The following DOCK8 variants were observed in gnomAD, a reference collection of about 807,000 sequenced individuals.
The protein encoded by DOCK8 is dedicator of cytokinesis protein 8.
DOCK8 carries 141 observed loss-of-function variants against 245.6 expected under a neutral mutation model. The observed-to-expected ratio is 0.57, with a 90% CI of 0.50 to 0.66. DOCK8 has a LOEUF of 0.66. Ranked by LOEUF, DOCK8 falls within the 30% of genes least tolerant of loss-of-function variation. The pLI is 0.00. For synonymous variants in DOCK8, 1,168 were observed against 970.2 expected (o/e 1.20, Z -3.79); for missense variants, 2,965 against 2,603.4 (o/e 1.14, Z -3.02).
At chr9:412,533 C>T (rs1378298933) in intron 28 of DOCK8, among the ~76,000 whole-genome samples, 2 of 151,880 alleles carry the variant, frequency 1.3e-5, no homozygotes, top group African/African-American at 4.8e-5. Context: ...CCACAAAAAA[C>T]TCCATTACAA....
At chr9:215,486 C>G in intron 1 of DOCK8, 1 of 1,466,890 alleles carries the variant, frequency 6.8e-7, no homozygotes, top group Non-Finnish European at 9.0e-7. Flanking sequence ...AGGCTGCAAG[C>G]CTTCTGTCGT....
At chr9:303,617 C>T (rs545482158) in intron 4 of DOCK8, among the ~76,000 whole-genome samples, 19 of 152,172 alleles carry the variant, frequency 1.2e-4, no homozygotes, top group Admixed American at 9.2e-4. Context: ...AAAGATAACA[C>T]GGTAGACACC....
chr9:234,482 T>C (rs906720726), intron 1 of DOCK8, among the ~76,000 whole-genome samples: 1 of 152,234 alleles, frequency 6.6e-6, no homozygotes, highest in Non-Finnish European at 1.5e-5. Context: ...GATAATATCC[T>C]GCAGAGTGTT....
intron 2 of DOCK8, among the ~76,000 whole-genome samples, chr9:274,462 A>ATAC (rs2048266267): frequency 8.8e-6 from 1 of 114,058 alleles, no homozygotes; most frequent in Admixed American, 9.1e-5. Flanking sequence ...AGAGGATTGA[A>ATAC]TTCTTTTTTT....
chr9:390,826 C>T (rs2054160090), intron 24 of DOCK8, among the ~76,000 whole-genome samples: 1 of 152,202 alleles, frequency 6.6e-6, no homozygotes, highest in African/African-American at 2.4e-5. Context: ...TCATGTGCCT[C>T]TCGCAGTGAC....
intron 46 of DOCK8, chr9:458,467 C>A (rs527847422): frequency 6.6e-6 from 1 of 152,134 alleles, no homozygotes; most frequent in East Asian, 1.9e-4. Flanking sequence ...AAACAACTAA[C>A]GAATGTTTGT....
At chr9:248,102 G>A (rs2047550870) in intron 1 of DOCK8, among the ~76,000 whole-genome samples, 1 of 152,042 alleles carries the variant, frequency 6.6e-6, no homozygotes, top group African/African-American at 2.4e-5. Context: ...CTGATAATTT[G>A]GTGGAGCAGA....
rs754940592 is a variant in DOCK8 at position 396,943 on chromosome 9, A to G, written c.3120+9A>G. ...TAGTAAAACCACAGAAGGTAACTGTATTTTACTCTTTATTTTCTAAATTGT... is the reference window on the plus strand; with the variant it reads ...TAGTAAAACCACAGAAGGTAACTGTGTTTTACTCTTTATTTTCTAAATTGT... On this transcript the variant is annotated intron_variant, in intron 25 of 47. Coordinates refer to ENST00000432829, the MANE Select transcript of DOCK8 (RefSeq NM_203447.4). 1.9e-6 allele frequency: 3 copies of G among 1,613,136 alleles called. No homozygotes were observed. The highest frequency in any genetic ancestry group is 4.5e-5 in the East Asian group (2 of 44,880).
At chr9:349,884 T>C (rs1191300906) in intron 14 of DOCK8, among the ~76,000 whole-genome samples, 1 of 152,220 alleles carries the variant, frequency 6.6e-6, no homozygotes, top group Non-Finnish European at 1.5e-5. Flanking sequence ...ATGAATTTGC[T>C]TCTCAGAGTA....
chr9:219,881 A>G (rs1020968578), intron 1 of DOCK8, among the ~76,000 whole-genome samples: 8 of 152,158 alleles, frequency 5.3e-5, no homozygotes, highest in African/African-American at 1.9e-4. Context: ...TGAGTGACAG[A>G]GCGAGACTCT....
At chr9:460,760 A>T (rs1239851704) in intron 46 of DOCK8, among the ~76,000 whole-genome samples, 1 of 152,232 alleles carries the variant, frequency 6.6e-6, no homozygotes, top group African/African-American at 2.4e-5. Context: ...CTAGGCAGGT[A>T]GCTCTTCCTT....
At chr9:378,333 G>A (rs961542899) in intron 20 of DOCK8, among the ~76,000 whole-genome samples, 1 of 152,260 alleles carries the variant, frequency 6.6e-6, no homozygotes, top group African/African-American at 2.4e-5. Flanking sequence ...AACCAGAAAA[G>A]TGTGGGAGTG....
intron 1 of DOCK8, among the ~76,000 whole-genome samples, chr9:251,568 G>A (rs494609): frequency 0.32 from 49,044 of 151,998 alleles, 8,239 homozygotes; most frequent in East Asian, 0.39. Context: ...TCCGATAGCA[G>A]CTTTTTCTGA....
In DOCK8 at chr9:260,528, C is replaced by G. The variant is rs2047893563; in HGVS notation, c.54-11099C>G. On this transcript the variant is annotated intron_variant, in intron 1 of 47. Coordinates refer to ENST00000432829, the MANE Select transcript of DOCK8 (RefSeq NM_203447.4). ...GCTTAGAGTGTTAATTGGTAAAATA[C>G]TCTGAAGGACTAATACACAAACACT... Among the ~76,000 whole-genome samples, 3 of 152,198 alleles carry G rather than the reference C, an allele frequency of 2.0e-5. No individual in the cohort carries two copies. The South Asian group carries it at 6.2e-4, about 31-fold the overall frequency.
intron 44 of DOCK8, among the ~76,000 whole-genome samples, chr9:447,975 C>A (rs1185835116): frequency 6.6e-6 from 1 of 152,216 alleles, no homozygotes; most frequent in African/African-American, 2.4e-5. Flanking sequence ...AGGCATAACA[C>A]AGATATAAAC....
intron 33 of DOCK8, among the ~76,000 whole-genome samples, chr9:426,539 A>C (rs1303912892): frequency 2.0e-5 from 3 of 152,230 alleles, no homozygotes; most frequent in Non-Finnish European, 4.4e-5. Context: ...CGTGAAATAC[A>C]GCCATGGCCC....
rs73374506 is a variant in DOCK8 at position 266,611 on chromosome 9, G to A, written c.54-5016G>A. Among the ~76,000 whole-genome samples, 1,163 of 152,050 alleles carry A rather than the reference G, an allele frequency of 7.6e-3. 12 individuals are homozygous for A. Among genetic ancestry groups the A allele is most frequent in the African/African-American group, 0.024 (988 of 41,462 alleles). ...AGCAGCCACACTTTGCAAGCTCTAC[G>A]CTATGATTAGTTGTGGTTTGTAGTC... On this transcript the variant is annotated intron_variant, in intron 1 of 47. Coordinates refer to ENST00000432829, the MANE Select transcript of DOCK8 (RefSeq NM_203447.4).
rs759762552 is a variant in DOCK8, at chr9:443,519, A to G, written c.5580+3A>G. The G allele has an allele frequency of 1.2e-6, 2 of 1,613,054 alleles. No homozygotes were observed. The highest frequency in any genetic ancestry group is 2.7e-5 in the African/African-American group (2 of 74,918). Reference sequence around the variant, plus strand: ...AAACCAAGTTGGATCCTAACAAGGTATACAAAAATTTACAAAAACTAACCA... The same window carrying G: ...AAACCAAGTTGGATCCTAACAAGGTGTACAAAAATTTACAAAAACTAACCA... On this transcript the variant is annotated splice_donor_region_variant and intron_variant, in intron 43 of 47. Coordinates refer to ENST00000432829, the MANE Select transcript of DOCK8 (RefSeq NM_203447.4).
chr9:265,395 G>C (rs961698153), intron 1 of DOCK8, among the ~76,000 whole-genome samples: 1 of 152,154 alleles, frequency 6.6e-6, no homozygotes, highest in Non-Finnish European at 1.5e-5. Context: ...GTGTGTTGTG[G>C]TTGCATGCAT....
Sources: allele counts gnomAD v4.1 joint callset (sites outside exome capture counted in the v4.1 genomes callset), GRCh38; gene constraint gnomAD v4.1.1; transcripts MANE v1.5; gene names NCBI Gene and HGNC (gene_info 2026-07-23, HGNC 2026-07-21).